The following PPM1A variants were observed in gnomAD, a reference collection of about 807,000 sequenced individuals.
PPM1A encodes protein phosphatase 1A.
A neutral mutation model predicts 35.0 loss-of-function variants in PPM1A; 7 were observed. The observed-to-expected ratio is 0.20, with a 90% confidence interval of 0.11 to 0.38. PPM1A has a LOEUF of 0.38. Among genes scored for constraint, PPM1A ranks in the 10% least tolerant of loss-of-function variants. PPM1A has a pLI of 1.00. For synonymous variants in PPM1A, 153 were observed against 167.3 expected, an observed-to-expected ratio of 0.91 and a Z score of 0.66; for missense variants, 239 against 467.8, an observed-to-expected ratio of 0.51 and a Z score of 4.51.
At position 60,295,714 on chromosome 14, in the gene PPM1A, T is replaced by C. The variant is rs763537172; in HGVS notation, c.*3232T>C. On this transcript the variant is annotated 3_prime_UTR_variant, in exon 6 of 6. Coordinates refer to ENST00000395076, the MANE Select transcript of PPM1A (RefSeq NM_021003.5). The stretch of plus-strand genomic sequence containing the variant: ...GCTTCAAGTTTACATCTGGACAATT[T>C]ATAATCTAGTGTATGTTAGTATTAT... 3 of 151,632 alleles carry C rather than the reference T, an allele frequency of 2.0e-5. No homozygotes were observed. Among genetic ancestry groups the C allele is most frequent in the Non-Finnish European group, 3.0e-5 (2 of 67,650 alleles). The allele number at this position is 151,632 out of a possible 1,614,324, so 9.4% of individuals were successfully genotyped here.
In PPM1A at chr14:60,285,659, T is replaced by C; in HGVS notation, c.870T>C (p.Cys290=). ...SRDNMSVILI[C]FPNAPKVSPE... ...ACAACATGAGTGTGATTTTGATCTGTTTTCCAAATGCACCCAAAGTATCGC... is the reference window on the plus strand; with the variant it reads ...ACAACATGAGTGTGATTTTGATCTGCTTTCCAAATGCACCCAAAGTATCGC... The change falls in exon 3 of 6, where the codon TGT becomes TGC. Residue 290 remains cysteine, a synonymous_variant. Transcript: ENST00000395076. The C allele has an allele frequency of 6.2e-7, 1 of 1,613,960 alleles. No individual in the cohort carries two copies. The highest frequency in any genetic ancestry group is 8.5e-7 in the Non-Finnish European group (1 of 1,179,926).
chr14:60,279,233 C>G (rs1886104519), intron 1 of PPM1A, among the ~76,000 whole-genome samples: 4 of 152,186 alleles, frequency 2.6e-5, no homozygotes, highest in Admixed American at 6.5e-5. Flanking sequence ...ATTCTCCTGC[C>G]TCAGCCTCCT....
chr14:60,266,984 T>C (rs1227078658), intron 1 of PPM1A, among the ~76,000 whole-genome samples: 19 of 152,198 alleles, frequency 1.2e-4, no homozygotes, highest in Admixed American at 2.0e-4. Context: ...TATTTAGATA[T>C]ACTTTTATTT....
chr14:60,249,015 G>A (rs905966355), upstream of PPM1A, among the ~76,000 whole-genome samples: 3 of 152,142 alleles, frequency 2.0e-5, no homozygotes, highest in Non-Finnish European at 2.9e-5. The surrounding 1 kb of genome is among the most constrained non-coding windows in gnomAD (Gnocchi z 4.5). Flanking sequence ...GGCAGAGAAA[G>A]AAGCTGGGTA....
At chr14:60,279,280 G>A (rs749179043) in intron 1 of PPM1A, among the ~76,000 whole-genome samples, 3 of 152,066 alleles carry the variant, frequency 2.0e-5, no homozygotes, top group Non-Finnish European at 2.9e-5. Flanking sequence ...CACCACACCC[G>A]GCTAATTTTT....
rs1003489133 is a variant in PPM1A at position 60,294,348 on chromosome 14, G to A, written c.*1866G>A. On this transcript the variant is annotated 3_prime_UTR_variant, in exon 6 of 6. Transcript: ENST00000395076. ...AAAACTGAAGTACTATTTATATTTA[G>A]AAATTCATATCAGTTGAAATTACAG... 6.6e-6 allele frequency: 1 copy of A among 151,722 alleles called. No homozygotes were observed. The highest frequency in any genetic ancestry group is 2.4e-5 in the African/African-American group (1 of 41,338). 9.4% of individuals were successfully genotyped at this position (151,722 alleles called of 1,614,324 possible). A position where few individuals can be genotyped will look rare whatever the true frequency, so the allele number is the denominator to read the frequency against.
In PPM1A at chr14:60,289,239, G is replaced by A. The variant is rs978002902; in HGVS notation, c.953-567G>A. On this transcript the variant is annotated intron_variant, in intron 3 of 5. Coordinates refer to ENST00000395076, the MANE Select transcript of PPM1A (RefSeq NM_021003.5). The surrounding 1 kb of genome is among the most constrained non-coding windows in gnomAD (Gnocchi z 4.1). ...GTATATTGTTTAAAGGTACTTTAGA[G>A]AAGAATTAAACTGAGACAGTGATGT... 4.6e-5 allele frequency among the ~76,000 whole-genome samples: 7 copies of A among 152,070 alleles called. No individual in the cohort carries two copies. Among genetic ancestry groups the A allele is most frequent in the Non-Finnish European group, 1.0e-4 (7 of 67,956 alleles).
chr14:60,274,353 T>C (rs1368595247), intron 1 of PPM1A, among the ~76,000 whole-genome samples: 1 of 151,882 alleles, frequency 6.6e-6, no homozygotes, highest in East Asian at 1.9e-4. Flanking sequence ...AGCATCAACA[T>C]TTTTTTTAAG....
chr14:60,261,550 G>A (rs1883744028), intron 1 of PPM1A, among the ~76,000 whole-genome samples: 1 of 151,964 alleles, frequency 6.6e-6, no homozygotes, highest in African/African-American at 2.4e-5. Context: ...CAACATCTTT[G>A]GATTGGAACC....
chr14:60,247,351 C>A (rs1358063925), upstream of PPM1A, among the ~76,000 whole-genome samples: 1 of 151,882 alleles, frequency 6.6e-6, no homozygotes, highest in Non-Finnish European at 1.5e-5. Context: ...GAATTCTGGC[C>A]GGGAACAGTG....
intron 3 of PPM1A, chr14:60,287,474 CTG>C: frequency 1.0e-6 from 1 of 984,998 alleles, no homozygotes; most frequent in Non-Finnish European, 1.2e-6. Flanking sequence ...TAGAATGTAA[CTG>C]TTTGTATTGT....
rs547243036 is a variant in PPM1A, at chr14:60,289,642, T to A, written c.953-164T>A. ...CATTTTGTGCATTTTTTGTCATAAA[T>A]CTTCAAAGGTCAACCTGATTTTTTT... On this transcript the variant is annotated intron_variant, in intron 3 of 5. Coordinates refer to ENST00000395076, the MANE Select transcript of PPM1A (RefSeq NM_021003.5). The surrounding 1 kb of genome is among the most constrained non-coding windows in gnomAD (Gnocchi z 4.1). Among the ~76,000 whole-genome samples, 2 of 152,138 alleles carry A rather than the reference T, an allele frequency of 1.3e-5. No individual in the cohort carries two copies. Among genetic ancestry groups the A allele is most frequent in the Non-Finnish European group, 2.9e-5 (2 of 68,018 alleles).
chr14:60,285,108 C>A (rs1328612870), intron 2 of PPM1A, among the ~76,000 whole-genome samples: 3 of 151,984 alleles, frequency 2.0e-5, no homozygotes, highest in Non-Finnish European at 2.9e-5. Context: ...GGTAGTTTTA[C>A]CTCTTATTTC....
chr14:60,270,392 G>A (rs1390825836), intron 1 of PPM1A, among the ~76,000 whole-genome samples: 3 of 152,034 alleles, frequency 2.0e-5, no homozygotes, highest in Non-Finnish European at 2.9e-5. Context: ...TTTAGACTGT[G>A]ACATCATGTT....
chr14:60,274,874 G>GA (rs1885567825), intron 1 of PPM1A, among the ~76,000 whole-genome samples: 2 of 151,050 alleles, frequency 1.3e-5, no homozygotes, highest in Non-Finnish European at 2.9e-5. Flanking sequence ...TTGAGCTAAT[G>GA]AATACTGAGT....
At chr14:60,271,114 C>T (rs769981128) in intron 1 of PPM1A, among the ~76,000 whole-genome samples, 21 of 152,164 alleles carry the variant, frequency 1.4e-4, no homozygotes, top group Non-Finnish European at 2.8e-4. Flanking sequence ...TTTCACCTTC[C>T]AGTGGCTGTC....
chr14:60,261,986 A>G (rs1039010472), intron 1 of PPM1A, among the ~76,000 whole-genome samples: 1 of 152,162 alleles, frequency 6.6e-6, no homozygotes, highest in Admixed American at 6.5e-5. Flanking sequence ...TATATTTTAA[A>G]TTCTGTATTC....
intron 3 of PPM1A, chr14:60,286,393 C>G (rs1018488683): frequency 1.0e-6 from 1 of 985,536 alleles, no homozygotes; most frequent in Non-Finnish European, 1.2e-6. Context: ...TCTCATAATT[C>G]TGCAGAGACT....
At chr14:60,285,545 T>G in intron 2 of PPM1A, 79 bp from the exon 3 acceptor site, 1 of 1,397,964 alleles carries the variant, frequency 7.2e-7, no homozygotes. Flanking sequence ...ATAACTGTAA[T>G]TGGCACAGCT....
Sources: allele counts gnomAD v4.1 joint callset (sites outside exome capture counted in the v4.1 genomes callset), GRCh38; gene constraint gnomAD v4.1.1; non-coding constraint Gnocchi (gnomAD v3.1); transcripts MANE v1.5; gene names NCBI Gene and HGNC (gene_info 2026-07-23, HGNC 2026-07-21).